Variants in BTBD7 observed in about 807,000 individuals in gnomAD.
BTBD7 encodes the protein BTB/POZ domain-containing protein 7.
BTBD7 carries 38 observed loss-of-function variants against 99.9 expected under a neutral mutation model. That is an observed-to-expected ratio of 0.38 (90% CI 0.29 to 0.50). The LOEUF is 0.50. BTBD7 is among the 20% of genes least tolerant of loss of function. The pLI, the probability that BTBD7 is intolerant of heterozygous loss-of-function variation, is 0.93. For synonymous variants in BTBD7, 520 were observed against 511.4 expected (o/e 1.02, Z -0.23); for missense variants, 1,170 against 1,394.6 (o/e 0.84, Z 2.57).
rs71129629 is a variant in BTBD7, at chr14:93,331,879, TC to T, written c.-107+940del. Among the ~76,000 whole-genome samples the T allele has an allele frequency of 1.6e-3, 209 of 133,168 alleles. 11 individuals are homozygous for T. The highest frequency in any genetic ancestry group is 2.5e-3 in the African/African-American group (73 of 29,340). 87.4% of individuals were successfully genotyped at this position (133,168 alleles called of 152,430 possible). A position where few individuals can be genotyped will look rare whatever the true frequency, so the allele number is the denominator to read the frequency against. ...CTGGGTGACAGAGCGAGACTCCGTC[TC>T]CCCCCCCCCAAAAAGGTTGTTAGTT... On this transcript the variant is annotated intron_variant, in intron 1 of 10. Coordinates refer to ENST00000334746, the MANE Select transcript of BTBD7 (RefSeq NM_001002860.4).
At chr14:93,328,597 A>G (rs1385590585) in intron 1 of BTBD7, among the ~76,000 whole-genome samples, 2 of 147,654 alleles carry the variant, frequency 1.4e-5, no homozygotes, top group Admixed American at 1.4e-4. Context: ...AAGAGCCAGA[A>G]CTATAAAATT....
At chr14:93,311,743 TAA>T (rs1233460993) in intron 1 of BTBD7, among the ~76,000 whole-genome samples, 2 of 129,902 alleles carry the variant, frequency 1.5e-5, no homozygotes, top group Non-Finnish European at 3.2e-5. Flanking sequence ...AAAATATTTT[TAA>T]TTTTTTTTTT....
intron 1 of BTBD7, among the ~76,000 whole-genome samples, chr14:93,317,175 T>C (rs1288768787): frequency 6.6e-6 from 1 of 152,094 alleles, no homozygotes; most frequent in African/African-American, 2.4e-5. Context: ...CCAACTAATT[T>C]TTTATTTTTA....
chr14:93,276,071 C>G (rs2052653506), intron 3 of BTBD7, among the ~76,000 whole-genome samples: 1 of 152,080 alleles, frequency 6.6e-6, no homozygotes, highest in African/African-American at 2.4e-5. Flanking sequence ...TAAAAATTAG[C>G]CAGGCATGGT....
chr14:93,332,704 G>T, intron 1 of BTBD7, 116 bp downstream of exon 1: 1 of 1,301,070 alleles, frequency 7.7e-7, no homozygotes. Flanking sequence ...GCGGCGGCTT[G>T]GCCCCAGCCC....
chr14:93,318,291 T>A (rs938475450), intron 1 of BTBD7, among the ~76,000 whole-genome samples: 1 of 152,186 alleles, frequency 6.6e-6, no homozygotes, highest in African/African-American at 2.4e-5. Flanking sequence ...AAGATCAGAA[T>A]AGCAGTAACC....
chr14:93,279,357 T>TAC (rs748401379), intron 3 of BTBD7, among the ~76,000 whole-genome samples: 3 of 152,172 alleles, frequency 2.0e-5, no homozygotes, highest in Non-Finnish European at 2.9e-5. Context: ...TGCTCGCTTT[T>TAC]ACCTCCAATC....
chr14:93,293,946 G>C lies in BTBD7; in HGVS notation c.1074C>G (p.Val358=). ...VGSLSEVQAL[V]AGKPNMTRAE... Reference sequence around the variant, plus strand: ...CCCTGGTCATGTTTGGCTTCCCTGCGACGAGAGCCTGAACTTCACTGAGAC... The same window carrying C: ...CCCTGGTCATGTTTGGCTTCCCTGCCACGAGAGCCTGAACTTCACTGAGAC... Residue 358 remains valine (V), a synonymous_variant, in exon 3 of 11, where the codon GTC becomes GTG. Coordinates refer to ENST00000334746, the MANE Select transcript of BTBD7 (RefSeq NM_001002860.4). 1 of 1,613,696 alleles carries C rather than the reference G, an allele frequency of 6.2e-7. No homozygotes were observed.
In BTBD7 at chr14:93,237,678, A is replaced by G; in HGVS notation, c.*4595T>C. The G allele has an allele frequency of 6.6e-6, 1 of 152,650 alleles. No homozygotes were observed. Among genetic ancestry groups the G allele is most frequent in the East Asian group, 1.9e-4 (1 of 5,202 alleles). 9.5% of individuals were successfully genotyped at this position (152,650 alleles called of 1,614,324 possible). Reference sequence around the variant, plus strand: ...GTACAACTGTAATGGTACTCAAAAGAGAAATGTATCGTTTTACAATGCTTC... The same window carrying G: ...GTACAACTGTAATGGTACTCAAAAGGGAAATGTATCGTTTTACAATGCTTC... On this transcript the variant is annotated 3_prime_UTR_variant, in exon 11 of 11. Transcript: ENST00000334746.
At chr14:93,318,338 A>T (rs1187348552) in intron 1 of BTBD7, among the ~76,000 whole-genome samples, 1 of 152,216 alleles carries the variant, frequency 6.6e-6, no homozygotes, top group Non-Finnish European at 1.5e-5. Flanking sequence ...GATTGGGAAG[A>T]GGCATGAGGG....
intron 1 of BTBD7, among the ~76,000 whole-genome samples, chr14:93,300,779 TATA>T (rs1390783774): frequency 0.011 from 1,183 of 104,636 alleles, 160 homozygotes; most frequent in African/African-American, 0.042. Flanking sequence ...TGTGTATATA[TATA>T]TATATTTTTT....
chr14:93,256,060 A>G (rs1454520460), intron 6 of BTBD7: 1 of 152,194 alleles, frequency 6.6e-6, no homozygotes, highest in East Asian at 1.9e-4. Context: ...AGTAGCCCAT[A>G]AATACTTCTT....
rs984723673 is a variant in BTBD7, at chr14:93,326,042, T to TA, written c.-107+6777dup. Among the ~76,000 whole-genome samples the TA allele has an allele frequency of 3.3e-5, 5 of 152,174 alleles. No homozygotes were observed. In the East Asian group the frequency reaches 5.8e-4, roughly 18 times the overall value. On this transcript the variant is annotated intron_variant, in intron 1 of 10. Transcript: ENST00000334746. ...TACAAACTGTCCAAAATTTTAAAAT[T>TA]AAAAAAACAAAAACAAAAAACCACC...
At position 93,248,234 on chromosome 14, in the gene BTBD7, A is replaced by C. The variant is rs34773782; in HGVS notation, c.2121+242T>G. Among the ~76,000 whole-genome samples, 32,723 of 152,076 alleles carry C rather than the reference A, an allele frequency of 0.22. 3,563 individuals carry two copies. Among genetic ancestry groups the C allele is most frequent in the East Asian group, 0.31 (1,588 of 5,172 alleles). On this transcript the variant is annotated intron_variant, in intron 9 of 10. Transcript: ENST00000334746. Reference sequence around the variant, plus strand: ...TGGTTAAGTAACTCATTCCAAGTTAACCAACTAGTAAGCAGCAGAGCCGGG... The same window carrying C: ...TGGTTAAGTAACTCATTCCAAGTTACCCAACTAGTAAGCAGCAGAGCCGGG...
chr14:93,304,579 T>G (rs1157314367), intron 1 of BTBD7, among the ~76,000 whole-genome samples: 1 of 152,228 alleles, frequency 6.6e-6, no homozygotes, highest in African/African-American at 2.4e-5. Context: ...CTCAAACTCC[T>G]GACCTCAGGT....
intron 1 of BTBD7, among the ~76,000 whole-genome samples, chr14:93,299,791 C>G (rs2052971404): frequency 1.3e-5 from 2 of 152,142 alleles, no homozygotes; most frequent in Non-Finnish European, 2.9e-5. Context: ...AAAGAAAGCC[C>G]TAGGCCAGCA....
At chr14:93,267,943 A>G (rs2052559231) in intron 3 of BTBD7, among the ~76,000 whole-genome samples, 1 of 152,106 alleles carries the variant, frequency 6.6e-6, no homozygotes, top group African/African-American at 2.4e-5. Flanking sequence ...TAAAATGTAA[A>G]TTATATATGG....
At position 93,261,620 on chromosome 14, in the gene BTBD7, T is replaced by G. The variant is rs780799386; in HGVS notation, c.1429A>C (p.Lys477Gln). 54 of 1,611,980 alleles carry G rather than the reference T, an allele frequency of 3.3e-5. No individual in the cohort carries two copies. The highest frequency in any genetic ancestry group is 4.6e-5 in the Non-Finnish European group (54 of 1,179,154). ...AGCTTACCTCTATCTGCTATTCTTTTCATCAACTGATGCTCTCCCCATTTA... is the reference window on the plus strand; with the variant it reads ...AGCTTACCTCTATCTGCTATTCTTTGCATCAACTGATGCTCTCCCCATTTA... ...LIKWGEHQLM[K>Q]RIADREPNLL... is the part of the protein sequence containing the mutation. Residue 477 changes from lysine (K) to glutamine (Q), a missense_variant, in exon 5 of 11, where the codon AAA becomes CAA. Transcript: ENST00000334746.
intron 1 of BTBD7, among the ~76,000 whole-genome samples, chr14:93,300,746 G>T (rs2052989400): frequency 1.2e-5 from 1 of 85,338 alleles, no homozygotes; most frequent in East Asian, 3.3e-4. Flanking sequence ...GTGTGTGTGT[G>T]TGTGTGTGTG....
Sources: gnomAD v4.1 joint callset for allele counts (sites outside exome capture counted in the v4.1 genomes callset) on GRCh38, gnomAD v4.1.1 for gene constraint, MANE v1.5 for transcripts, NCBI Gene and HGNC (gene_info 2026-07-23, HGNC 2026-07-21) for gene names.